Variants in FBXO16 observed in about 807,000 individuals in gnomAD.
FBXO16 encodes F-box protein 16.
Under a neutral mutation model 41.0 loss-of-function variants are expected in FBXO16, and 31 were observed. The observed-to-expected ratio is 0.76, with a 90% CI of 0.57 to 1.02. The LOEUF (loss-of-function observed/expected upper bound fraction) is 1.02. Among genes scored for constraint, FBXO16 ranks in the 50% least tolerant of loss-of-function variants. The pLI is 0.00. For missense variants in FBXO16, 361 were observed against 346.2 expected (o/e 1.04, Z -0.34); for synonymous variants, 133 against 117.8 (o/e 1.13, Z -0.84).
Position 28,472,302 on chromosome 8 carries a change from T to C in FBXO16, c.135+1470A>G, listed in dbSNP as rs138120373. Among the ~76,000 whole-genome samples, 508 of 152,286 alleles carry C rather than the reference T, an allele frequency of 3.3e-3. 3 individuals are homozygous for C. The highest frequency in any genetic ancestry group is 6.0e-3 in the Non-Finnish European group (411 of 68,010). On this transcript the variant is annotated intron_variant, in intron 3 of 8. Coordinates refer to ENST00000380254, the MANE Select transcript of FBXO16 (RefSeq NM_172366.4). ...TTGTAGATATGGGGTCTAACTGTTA[T>C]GTTGCCCAGGCTAGTCTCAAACTCC...
chr8:28,440,542 G>A (rs1275199443), intron 7 of FBXO16, among the ~76,000 whole-genome samples: 1 of 152,154 alleles, frequency 6.6e-6, no homozygotes, highest in Non-Finnish European at 1.5e-5. Context: ...TCACTTTAGA[G>A]TATATTCCTG....
At position 28,483,426 on chromosome 8, in the gene FBXO16, T is replaced by C. The variant is rs757384814; in HGVS notation, c.21A>G (p.Pro7=). Residue 7 remains proline, a synonymous_variant, in exon 2 of 9, where the codon CCA becomes CCG. Transcript: ENST00000380254. The part of the protein sequence containing the change: MMAFAP[P]KNTDGPKMQT... ...GCATTTTGGGACCATCTGTGTTTTT[T>C]GGAGGTGCAAATGCCATCATGAAAC... The C allele has an allele frequency of 4.3e-6, 7 of 1,614,160 alleles. No individual in the cohort carries two copies. The highest frequency in any genetic ancestry group is 1.6e-4 in the Middle Eastern group (1 of 6,062).
intron 2 of FBXO16, among the ~76,000 whole-genome samples, chr8:28,480,460 A>G (rs747191145): frequency 6.3e-4 from 96 of 151,992 alleles, no homozygotes; most frequent in Non-Finnish European, 1.1e-3. Context: ...CAGGGAGTAG[A>G]CCTGAACTCT....
At chr8:28,436,291 C>T (rs1802686144) in intron 7 of FBXO16, among the ~76,000 whole-genome samples, 1 of 152,186 alleles carries the variant, frequency 6.6e-6, no homozygotes. Flanking sequence ...CAGAAAGCTG[C>T]TCAGTCCTGT....
In FBXO16 at chr8:28,469,612, TAAAC is replaced by T. The variant is rs1239942996; in HGVS notation, c.135+4156_135+4159del. On this transcript the variant is annotated intron_variant, in intron 3 of 8. Coordinates refer to ENST00000380254, the MANE Select transcript of FBXO16 (RefSeq NM_172366.4). Reference sequence around the variant, plus strand: ...GAACACTATGTAGCAGTTTAAAAAATAAACAAAATGGCTGGGAGTGGTGGCTCAC... The same window carrying T: ...GAACACTATGTAGCAGTTTAAAAAATAAAATGGCTGGGAGTGGTGGCTCAC... Among the ~76,000 whole-genome samples, 11 of 152,166 alleles carry T rather than the reference TAAAC, an allele frequency of 7.2e-5. No homozygotes were observed. The East Asian group carries it at 2.1e-3, about 29-fold the overall frequency.
chr8:28,463,906 A>G, intron 3 of FBXO16, 88 bp from the exon 4 acceptor site: 2 of 1,214,702 alleles, frequency 1.6e-6, no homozygotes, highest in Non-Finnish European at 2.3e-6. Flanking sequence ...ACAATGGCAT[A>G]GAAAGGGAGT....
At chr8:28,458,600 T>C (rs928606638) in intron 4 of FBXO16, among the ~76,000 whole-genome samples, 4 of 142,482 alleles carry the variant, frequency 2.8e-5, no homozygotes, top group Non-Finnish European at 6.0e-5. Context: ...TTGCCCAGGC[T>C]GGAGTGCAGT....
At chr8:28,468,553 G>T (rs1287860823) in intron 3 of FBXO16, among the ~76,000 whole-genome samples, 1 of 152,154 alleles carries the variant, frequency 6.6e-6, no homozygotes, top group African/African-American at 2.4e-5. Flanking sequence ...AACAGGGCTG[G>T]GCGAGGTGGC....
Position 28,474,356 on chromosome 8 carries a change from G to C in FBXO16, c.100-549C>G, listed in dbSNP as rs1292748757. 4.5e-5 allele frequency among the ~76,000 whole-genome samples: 4 copies of C among 89,622 alleles called. No individual in the cohort carries two copies. In the Admixed American group the frequency reaches 4.8e-4, roughly 11 times the overall value. 58.8% of individuals were successfully genotyped at this position (89,622 alleles called of 152,430 possible). On this transcript the variant is annotated intron_variant, in intron 2 of 8. Coordinates refer to ENST00000380254, the MANE Select transcript of FBXO16 (RefSeq NM_172366.4). The stretch of plus-strand genomic sequence containing the variant: ...AAAAAAAAAAAAAAAAAAAAAAAGA[G>C]AGAGAAAGAAGAAAAGAAAAAATGA...
At chr8:28,467,526 C>A (rs901910299) in intron 3 of FBXO16, among the ~76,000 whole-genome samples, 2 of 152,070 alleles carry the variant, frequency 1.3e-5, no homozygotes, top group Non-Finnish European at 2.9e-5. Flanking sequence ...GACATGGCAG[C>A]TACTATTAGA....
intron 4 of FBXO16, among the ~76,000 whole-genome samples, chr8:28,462,262 TTTC>T (rs1160293515): frequency 9.5e-5 from 14 of 147,856 alleles, no homozygotes; most frequent in South Asian, 2.1e-4. Flanking sequence ...CTGCATTCAT[TTTC>T]TTCTTCTTCT....
chr8:28,474,981 G>A (rs964729905), intron 2 of FBXO16, among the ~76,000 whole-genome samples: 4 of 152,148 alleles, frequency 2.6e-5, no homozygotes, highest in Admixed American at 2.0e-4. Context: ...GGCAGAGAAG[G>A]GGGTTATTAA....
intron 7 of FBXO16, among the ~76,000 whole-genome samples, chr8:28,432,032 A>T (rs1802612890): frequency 6.6e-6 from 1 of 152,024 alleles, no homozygotes; most frequent in African/African-American, 2.4e-5. Context: ...CATAAAACGC[A>T]AATGTACTGT....
chr8:28,454,831 T>C (rs549762809), intron 5 of FBXO16, among the ~76,000 whole-genome samples: 1 of 151,672 alleles, frequency 6.6e-6, no homozygotes, highest in Non-Finnish European at 1.5e-5. Context: ...AACTTATTTG[T>C]ATTAAGTAAA....
intron 8 of FBXO16, 121 bp downstream of exon 8, chr8:28,429,257 A>G (rs1802572160): frequency 1.8e-6 from 2 of 1,107,538 alleles, no homozygotes; most frequent in Non-Finnish European, 2.7e-6. Flanking sequence ...TGCTGAGATT[A>G]TCAGCGTGAG....
At chr8:28,489,538 A>C in intron 1 of FBXO16, among the ~76,000 whole-genome samples, 1 of 151,378 alleles carries the variant, frequency 6.6e-6, no homozygotes, top group Non-Finnish European at 1.5e-5. Context: ...AAAAAAAAAA[A>C]AAAAAAATTG....
intron 7 of FBXO16, among the ~76,000 whole-genome samples, chr8:28,434,858 C>T (rs939778708): frequency 6.6e-6 from 1 of 152,368 alleles, no homozygotes; most frequent in East Asian, 1.9e-4. Flanking sequence ...GGCCCGAGGC[C>T]AGGCCAGGCA....
chr8:28,428,491 G>T lies in FBXO16; in HGVS notation c.*236C>A. 1 of 1,420,778 alleles carries T rather than the reference G, an allele frequency of 7.0e-7. No homozygotes were observed. 88.0% of individuals were successfully genotyped at this position (1,420,778 alleles called of 1,614,324 possible). A position where few individuals can be genotyped will look rare whatever the true frequency, so the allele number is the denominator to read the frequency against. On this transcript the variant is annotated 3_prime_UTR_variant, in exon 9 of 9. Transcript: ENST00000380254. ...CTTAAGCTGAAAGAGTTTCTAATGG[G>T]AGCCAAGTAAATTCAGCTCTCCACT... is the stretch of plus-strand genomic sequence containing the variant.
At chr8:28,479,600 G>T (rs1313300217) in intron 2 of FBXO16, among the ~76,000 whole-genome samples, 2 of 152,232 alleles carry the variant, frequency 1.3e-5, no homozygotes, top group Non-Finnish European at 2.9e-5. Flanking sequence ...AATTCAAAAT[G>T]AGACCCTGAA....
Sources: allele counts gnomAD v4.1 joint callset (sites outside exome capture counted in the v4.1 genomes callset), GRCh38; gene constraint gnomAD v4.1.1; transcripts MANE v1.5; gene names NCBI Gene and HGNC (gene_info 2026-07-23, HGNC 2026-07-21).